The following GRID1 variants were observed in gnomAD, a reference collection of about 807,000 sequenced individuals.
GRID1 encodes glutamate receptor ionotropic, delta-1.
A neutral mutation model predicts 98.0 loss-of-function variants in GRID1; 28 were observed. The observed-to-expected ratio is 0.29, with a 90% CI of 0.21 to 0.39. GRID1 has a LOEUF of 0.39. Ranked by LOEUF, GRID1 falls within the 10% of genes least tolerant of loss-of-function variation. The pLI is 1.00. For synonymous variants in GRID1, 553 were observed against 538.5 expected (o/e 1.03, Z -0.37); for missense variants, 1,111 against 1,340.5 (o/e 0.83, Z 2.67).
At chr10:85,832,589 C>A (rs1023218155) in intron 8 of GRID1, among the ~76,000 whole-genome samples, 1 of 152,010 alleles carries the variant, frequency 6.6e-6, no homozygotes, top group African/African-American at 2.4e-5. Context: ...CTGCTATGTA[C>A]AACTACAAAC....
chr10:86,088,911 C>T (rs773590490), intron 4 of GRID1, among the ~76,000 whole-genome samples: 7 of 151,882 alleles, frequency 4.6e-5, no homozygotes, highest in Non-Finnish European at 1.0e-4. Context: ...AAAAAAAATG[C>T]TATCAACAGA....
At chr10:85,638,676 C>G (rs1220033077) in intron 13 of GRID1, among the ~76,000 whole-genome samples, 1 of 152,118 alleles carries the variant, frequency 6.6e-6, no homozygotes, top group Non-Finnish European at 1.5e-5. Flanking sequence ...ATTTATAGTA[C>G]TTATATTTGA....
intron 4 of GRID1, among the ~76,000 whole-genome samples, chr10:85,979,170 G>A (rs570039864): frequency 1.1e-4 from 16 of 152,214 alleles, no homozygotes; most frequent in East Asian, 3.9e-4. Flanking sequence ...AAAGCCCTGC[G>A]TGAAACCTGT....
At chr10:85,830,244 C>T (rs926721474) in intron 8 of GRID1, among the ~76,000 whole-genome samples, 40 of 152,266 alleles carry the variant, frequency 2.6e-4, no homozygotes, top group African/African-American at 8.7e-4. Flanking sequence ...GCTGGGATAA[C>T]TGGCTAGTCA....
At chr10:85,758,605 C>T (rs1842120085) in intron 8 of GRID1, among the ~76,000 whole-genome samples, 1 of 152,188 alleles carries the variant, frequency 6.6e-6, no homozygotes, top group African/African-American at 2.4e-5. Flanking sequence ...CATAGTGTCT[C>T]ACCATCAGTT....
At chr10:86,039,555 T>G (rs1843316976) in intron 4 of GRID1, among the ~76,000 whole-genome samples, 2 of 152,224 alleles carry the variant, frequency 1.3e-5, no homozygotes, top group South Asian at 4.1e-4. Flanking sequence ...AGAAAGGTTT[T>G]ACCTGCTTGG....
intron 2 of GRID1, among the ~76,000 whole-genome samples, chr10:86,340,193 C>T (rs1848290310): frequency 1.3e-5 from 2 of 152,046 alleles, no homozygotes; most frequent in South Asian, 4.1e-4. Context: ...AGGATCAGAG[C>T]AAGGGGACAC....
At chr10:85,730,786 C>T (rs543451009) in intron 8 of GRID1, among the ~76,000 whole-genome samples, 29 of 152,234 alleles carry the variant, frequency 1.9e-4, no homozygotes, top group African/African-American at 6.7e-4. Flanking sequence ...CACAAATCAC[C>T]CAGGGATTTT....
At position 86,364,039 on chromosome 10, in the gene GRID1, G is replaced by T. The variant is rs776172961; in HGVS notation, c.137C>A (p.Ser46Tyr). 3 of 1,613,924 alleles carry T rather than the reference G, an allele frequency of 1.9e-6. No homozygotes were observed. In the Admixed American group the frequency reaches 5.0e-5, roughly 27 times the overall value. ...GATGTCATCGTTGAGGCTCAGGTCG[G>T]ATACCGCCAACTGGAACACCCTGTC... The part of the protein sequence containing the change: ...KDDRVFQLAV[S>Y]DLSLNDDILQ... Residue 46 changes from serine to tyrosine, a missense_variant, in exon 2 of 16, where the codon TCC becomes TAC. Ser to Tyr is a moderately radical substitution (Grantham distance 144). This residue lies in a region of GRID1 where 346 missense variants were observed against 452.3 expected (regional missense o/e 0.76). Coordinates refer to ENST00000327946, the MANE Select transcript of GRID1 (RefSeq NM_017551.3).
At chr10:85,877,078 C>A (rs1843341063) in intron 5 of GRID1, among the ~76,000 whole-genome samples, 1 of 152,248 alleles carries the variant, frequency 6.6e-6, no homozygotes, top group Admixed American at 6.5e-5. Flanking sequence ...ATTGCCCAGG[C>A]TTGCTTAGGT....
chr10:85,818,706 G>GA (rs1842736712), intron 8 of GRID1, among the ~76,000 whole-genome samples: 4 of 149,376 alleles, frequency 2.7e-5, no homozygotes. Context: ...ACCAAAGCCA[G>GA]AAAAATGTAG....
At chr10:85,813,397 A>T (rs115974075) in intron 8 of GRID1, among the ~76,000 whole-genome samples, 5 of 151,470 alleles carry the variant, frequency 3.3e-5, no homozygotes, top group African/African-American at 1.2e-4. Flanking sequence ...ATCACCATTG[A>T]TTTCTCATCA....
At chr10:86,173,184 T>G (rs1845520067) in intron 3 of GRID1, among the ~76,000 whole-genome samples, 1 of 152,170 alleles carries the variant, frequency 6.6e-6, no homozygotes, top group Non-Finnish European at 1.5e-5. Context: ...ACTACAGGTG[T>G]GTGCCACCAT....
chr10:86,055,813 T>TTC (rs141146400), intron 4 of GRID1, among the ~76,000 whole-genome samples: 2,439 of 147,352 alleles, frequency 0.017, 25 homozygotes, highest in East Asian at 0.038. Context: ...TGTGCTCTCA[T>TTC]TCTCTCTCTC....
At chr10:86,180,939 G>A (rs1845646456) in intron 3 of GRID1, among the ~76,000 whole-genome samples, 1 of 152,228 alleles carries the variant, frequency 6.6e-6, no homozygotes, top group African/African-American at 2.4e-5. Flanking sequence ...TAACCTGGAG[G>A]GGCAGAGATG....
chr10:86,348,648 C>A (rs1848421935), intron 2 of GRID1, among the ~76,000 whole-genome samples: 1 of 152,212 alleles, frequency 6.6e-6, no homozygotes, highest in African/African-American at 2.4e-5. Flanking sequence ...ATGCAAGAGT[C>A]CCAGCACATC....
intron 8 of GRID1, among the ~76,000 whole-genome samples, chr10:85,822,196 T>C (rs967307934): frequency 6.6e-6 from 1 of 151,980 alleles, no homozygotes; most frequent in Non-Finnish European, 1.5e-5. Flanking sequence ...TGGGATCTAA[T>C]TAAACTAAAG....
intron 8 of GRID1, among the ~76,000 whole-genome samples, chr10:85,747,326 A>G (rs1842006947): frequency 6.6e-6 from 1 of 152,166 alleles, no homozygotes; most frequent in Non-Finnish European, 1.5e-5. Context: ...ATAAAAGAGA[A>G]AAATGTTCCA....
intron 2 of GRID1, among the ~76,000 whole-genome samples, chr10:86,293,292 G>A (rs764190474): frequency 3.3e-5 from 5 of 152,046 alleles, no homozygotes; most frequent in Admixed American, 1.3e-4. Context: ...AGGAGCCATC[G>A]CCTACCTCCC....
Sources: allele counts gnomAD v4.1 joint callset (sites outside exome capture counted in the v4.1 genomes callset), GRCh38; gene constraint gnomAD v4.1.1; regional missense constraint gnomAD v4.1.1; transcripts MANE v1.5; gene names NCBI Gene and HGNC (gene_info 2026-07-23, HGNC 2026-07-21).